The following PAPSS1 variants were observed in gnomAD, a reference collection of about 807,000 sequenced individuals.
PAPSS1 encodes the protein 3'-phosphoadenosine 5'-phosphosulfate synthase 1, also known as bifunctional 3'-phosphoadenosine 5'-phosphosulfate synthase 1.
PAPSS1 carries 50 observed loss-of-function variants against 72.0 expected under a neutral mutation model. The observed-to-expected ratio is 0.69, with a 90% CI of 0.55 to 0.88. PAPSS1 has a LOEUF of 0.88. PAPSS1 is among the 40% of genes least tolerant of loss of function. The pLI, the probability that PAPSS1 is intolerant of heterozygous loss-of-function variation, is 0.00. For missense variants in PAPSS1, 657 were observed against 782.2 expected, an observed-to-expected ratio of 0.84 and a Z score of 1.91; for synonymous variants, 261 against 263.6, an observed-to-expected ratio of 0.99 and a Z score of 0.09.
chr4:107,641,471 T>C (rs950543908), intron 10 of PAPSS1, among the ~76,000 whole-genome samples: 1 of 152,262 alleles, frequency 6.6e-6, no homozygotes, highest in Non-Finnish European at 1.5e-5. Context: ...AATAAAGTTC[T>C]GTTTTTATTA....
chr4:107,648,568 G>C (rs1487656767), intron 9 of PAPSS1, among the ~76,000 whole-genome samples: 1 of 152,176 alleles, frequency 6.6e-6, no homozygotes. Context: ...ACATCTTCTT[G>C]CTTCTTTCCT....
intron 1 of PAPSS1, among the ~76,000 whole-genome samples, chr4:107,713,887 T>C (rs1723566754): frequency 6.6e-6 from 1 of 152,146 alleles, no homozygotes; most frequent in African/African-American, 2.4e-5. Context: ...CAAAGACAGA[T>C]ACTGAATTTC....
chr4:107,680,113 C>A (rs72675505), intron 5 of PAPSS1, among the ~76,000 whole-genome samples: 36,432 of 151,720 alleles, frequency 0.24, 4,958 homozygotes, highest in Middle Eastern at 0.34. Flanking sequence ...ACTAGAGTCC[C>A]AGAAGAAGAG....
rs146726994 is a variant in PAPSS1 at position 107,634,216 on chromosome 4, A to G, written c.1507-2356T>C. Among the ~76,000 whole-genome samples the G allele has an allele frequency of 4.1e-3, 618 of 152,098 alleles. 4 individuals carry two copies. The highest frequency in any genetic ancestry group is 6.8e-3 in the Non-Finnish European group (459 of 67,970). ...TTTTTTGTAGAGACAAGGTCTTGCC[A>G]TGTTCCCCAGGCTAGTCTTGAACTC... On this transcript the variant is annotated intron_variant, in intron 10 of 11. Coordinates refer to ENST00000265174, the MANE Select transcript of PAPSS1 (RefSeq NM_005443.5).
intron 1 of PAPSS1, among the ~76,000 whole-genome samples, chr4:107,716,145 T>C (rs1259031181): frequency 4.6e-5 from 7 of 152,200 alleles, no homozygotes; most frequent in Non-Finnish European, 7.3e-5. Flanking sequence ...TCAGTGTAGA[T>C]ACAAAACATC....
intron 1 of PAPSS1, among the ~76,000 whole-genome samples, chr4:107,712,960 A>T (rs1381900452): frequency 6.6e-6 from 1 of 151,640 alleles, no homozygotes; most frequent in Non-Finnish European, 1.5e-5. Flanking sequence ...TTAAAAAAAA[A>T]AATACAAAAT....
At chr4:107,664,601 C>T (rs1467956816) in intron 5 of PAPSS1, among the ~76,000 whole-genome samples, 1 of 152,042 alleles carries the variant, frequency 6.6e-6, no homozygotes, top group Non-Finnish European at 1.5e-5. Context: ...AAGAACTCTG[C>T]ACTAACGAAT....
intron 2 of PAPSS1, among the ~76,000 whole-genome samples, chr4:107,697,991 C>T (rs1469284932): frequency 6.6e-6 from 1 of 152,158 alleles, no homozygotes; most frequent in Non-Finnish European, 1.5e-5. Flanking sequence ...AAGAGATTCT[C>T]CCTCAGCACT....
At chr4:107,646,644 G>A (rs1726704290) in intron 9 of PAPSS1, among the ~76,000 whole-genome samples, 1 of 152,048 alleles carries the variant, frequency 6.6e-6, no homozygotes, top group Non-Finnish European at 1.5e-5. Flanking sequence ...TCTACACACT[G>A]GTGAATAAAG....
chr4:107,683,151 A>G (rs1321059377), intron 4 of PAPSS1, among the ~76,000 whole-genome samples: 2 of 152,176 alleles, frequency 1.3e-5, no homozygotes, highest in African/African-American at 4.8e-5. Flanking sequence ...CTTAGGTTAG[A>G]ATGGTATGCA....
intron 10 of PAPSS1, among the ~76,000 whole-genome samples, chr4:107,633,574 G>C (rs976638673): frequency 1.3e-5 from 2 of 152,108 alleles, no homozygotes; most frequent in Non-Finnish European, 2.9e-5. Context: ...ATTCAGGACA[G>C]AGATTATCTG....
chr4:107,707,771 GA>G (rs1243190247), intron 1 of PAPSS1, among the ~76,000 whole-genome samples: 13 of 152,172 alleles, frequency 8.5e-5, no homozygotes, highest in African/African-American at 3.1e-4. Context: ...TTTTGTGCAA[GA>G]ATAGTTGTTC....
At chr4:107,652,970 T>C (rs1726889127) in intron 9 of PAPSS1, among the ~76,000 whole-genome samples, 1 of 152,038 alleles carries the variant, frequency 6.6e-6, no homozygotes, top group Non-Finnish European at 1.5e-5. Context: ...CATTATTTGC[T>C]GTGACACATC....
chr4:107,619,297 A>T (rs1210241053), intron 11 of PAPSS1, among the ~76,000 whole-genome samples: 1 of 152,124 alleles, frequency 6.6e-6, no homozygotes, highest in Non-Finnish European at 1.5e-5. Flanking sequence ...TCCTGAAGCT[A>T]TTTCACACTC....
At chr4:107,673,771 G>A (rs1462727928) in intron 5 of PAPSS1, among the ~76,000 whole-genome samples, 3 of 151,946 alleles carry the variant, frequency 2.0e-5, no homozygotes, top group African/African-American at 7.3e-5. Context: ...TGAAATGAAG[G>A]AAAAAATGTT....
intron 10 of PAPSS1, among the ~76,000 whole-genome samples, chr4:107,643,502 C>T (rs1397408650): frequency 6.6e-6 from 1 of 152,178 alleles, no homozygotes; most frequent in Non-Finnish European, 1.5e-5. Flanking sequence ...AATCCTGCTC[C>T]CTTCCTTTCT....
intron 10 of PAPSS1, among the ~76,000 whole-genome samples, chr4:107,644,590 A>G (rs1484089269): frequency 6.6e-6 from 1 of 152,202 alleles, no homozygotes; most frequent in African/African-American, 2.4e-5. Context: ...CAAGACCCAG[A>G]AGAGCAAGTG....
Position 107,691,021 on chromosome 4 carries a change from A to T in PAPSS1, c.411+2750T>A, listed in dbSNP as rs114519668. Among the ~76,000 whole-genome samples, 1,086 of 152,294 alleles carry T rather than the reference A, an allele frequency of 7.1e-3. 14 individuals carry two copies. Among genetic ancestry groups the T allele is most frequent in the African/African-American group, 0.025 (1,043 of 41,556 alleles). Reference sequence around the variant, plus strand: ...AACTCTTATTATGCTCCTATTATTTATACACTTTAAACTGATATATTGGCA... The same window carrying T: ...AACTCTTATTATGCTCCTATTATTTTTACACTTTAAACTGATATATTGGCA... On this transcript the variant is annotated intron_variant, in intron 3 of 11. Transcript: ENST00000265174.
intron 10 of PAPSS1, among the ~76,000 whole-genome samples, chr4:107,632,137 G>A (rs1726240640): frequency 6.6e-6 from 1 of 152,090 alleles, no homozygotes; most frequent in South Asian, 2.1e-4. Flanking sequence ...AAACATACAT[G>A]TGTCTAGATG....
Sources: allele counts gnomAD v4.1 joint callset (sites outside exome capture counted in the v4.1 genomes callset), GRCh38; gene constraint gnomAD v4.1.1; transcripts MANE v1.5; gene names NCBI Gene and HGNC (gene_info 2026-07-23, HGNC 2026-07-21).